The following ROBO2 variants were observed in gnomAD, a reference collection of about 807,000 sequenced individuals.
The protein encoded by ROBO2 is roundabout homolog 2.
Under a neutral mutation model 160.8 loss-of-function variants are expected in ROBO2, and 53 were observed. That is an observed-to-expected ratio of 0.33 (90% CI 0.26 to 0.41). The LOEUF (loss-of-function observed/expected upper bound fraction) is 0.41. ROBO2 is among the 10% of genes least tolerant of loss of function. ROBO2 has a pLI of 1.00. For synonymous variants in ROBO2, 664 were observed against 611.7 expected, an observed-to-expected ratio of 1.09 and a Z score of -1.26; for missense variants, 1,577 against 1,722.4, an observed-to-expected ratio of 0.92 and a Z score of 1.49.
At chr3:77,634,902 C>T in exon 24 of ROBO2, 12 of 1,614,098 alleles carry the variant, frequency 7.4e-6, no homozygotes, top group Non-Finnish European at 1.0e-5. Context: ...AAGACCTCGA[C>T]CTACCAGCCC....
intron 2 of ROBO2, among the ~76,000 whole-genome samples, chr3:76,223,785 G>C (rs1346273220): frequency 6.6e-6 from 1 of 152,160 alleles, no homozygotes; most frequent in Non-Finnish European, 1.5e-5. Flanking sequence ...CTGGGATTTA[G>C]AATTTCTAAG....
chr3:76,925,443 A>C (rs1290737510), intron 2 of ROBO2, among the ~76,000 whole-genome samples: 1 of 152,096 alleles, frequency 6.6e-6, no homozygotes, highest in East Asian at 1.9e-4. Flanking sequence ...ATATTTTTTG[A>C]AGCCAGTTTT....
chr3:77,109,917 A>G (rs1414965795), intron 2 of ROBO2, among the ~76,000 whole-genome samples: 1 of 152,244 alleles, frequency 6.6e-6, no homozygotes, highest in Non-Finnish European at 1.5e-5. Flanking sequence ...ATTCAATTGT[A>G]TAAATACAAT....
intron 2 of ROBO2, among the ~76,000 whole-genome samples, chr3:77,246,741 A>T (rs939338183): frequency 5.3e-5 from 8 of 152,222 alleles, no homozygotes; most frequent in Admixed American, 2.0e-4. Context: ...GAAAGCTATC[A>T]AGCAAGCAAT....
intron 2 of ROBO2, among the ~76,000 whole-genome samples, chr3:76,568,496 C>CG (rs1560165537): frequency 2.7e-5 from 4 of 149,720 alleles, no homozygotes; most frequent in African/African-American, 7.4e-5. Flanking sequence ...TTAGTAGAGA[C>CG]GGGGTTTCAC....
chr3:77,182,659 G>A (rs2080897168), intron 2 of ROBO2, among the ~76,000 whole-genome samples: 1 of 152,014 alleles, frequency 6.6e-6, no homozygotes, highest in Non-Finnish European at 1.5e-5. Context: ...AATGAATAGT[G>A]AGCTGACACA....
At chr3:76,083,178 T>A (rs1284933651) in intron 2 of ROBO2, among the ~76,000 whole-genome samples, 1 of 151,990 alleles carries the variant, frequency 6.6e-6, no homozygotes, top group African/African-American at 2.4e-5. Flanking sequence ...GGGAATGGAA[T>A]TGCAGGCCTG....
chr3:77,480,508 CTG>C (rs1439534666), intron 3 of ROBO2, among the ~76,000 whole-genome samples: 1 of 152,016 alleles, frequency 6.6e-6, no homozygotes, highest in African/African-American at 2.4e-5. Flanking sequence ...ATTTTATAAA[CTG>C]TGTTTGTTTT....
intron 2 of ROBO2, among the ~76,000 whole-genome samples, chr3:76,512,849 A>G (rs929529285): frequency 6.6e-6 from 1 of 151,920 alleles, no homozygotes; most frequent in Non-Finnish European, 1.5e-5. Context: ...GAAATCCCAA[A>G]CCCGTTTGGT....
chr3:76,395,326 A>C (rs1235615464), intron 2 of ROBO2, among the ~76,000 whole-genome samples: 1 of 150,088 alleles, frequency 6.7e-6, no homozygotes, highest in Non-Finnish European at 1.5e-5. Context: ...CATTCAAAGC[A>C]GTGTGTAGAG....
chr3:77,239,061 C>T (rs1436301865), intron 2 of ROBO2, among the ~76,000 whole-genome samples: 3 of 152,172 alleles, frequency 2.0e-5, no homozygotes, highest in Non-Finnish European at 4.4e-5. Context: ...TCCCCCATGT[C>T]CTTGGGATCC....
intron 2 of ROBO2, among the ~76,000 whole-genome samples, chr3:77,373,548 G>A (rs771475187): frequency 6.6e-5 from 10 of 151,922 alleles, no homozygotes; most frequent in Non-Finnish European, 5.9e-5. Context: ...AAGAAATCAA[G>A]TTTCTCAAAA....
At chr3:75,989,614 G>T (rs1326610755) in intron 2 of ROBO2, among the ~76,000 whole-genome samples, 2 of 152,014 alleles carry the variant, frequency 1.3e-5, no homozygotes, top group Non-Finnish European at 2.9e-5. Context: ...GAAAGAACAT[G>T]TTAAAGATAA....
intron 2 of ROBO2, among the ~76,000 whole-genome samples, chr3:77,016,076 A>G (rs1357485130): frequency 6.6e-6 from 1 of 151,960 alleles, no homozygotes; most frequent in Non-Finnish European, 1.5e-5. Flanking sequence ...TCCCGGGTTC[A>G]CGCCATTCTC....
chr3:77,313,408 ATATAT>A (rs1217507891), intron 2 of ROBO2, among the ~76,000 whole-genome samples: 2 of 152,154 alleles, frequency 1.3e-5, no homozygotes, highest in African/African-American at 2.4e-5. Context: ...ATCTGAAATT[ATATAT>A]TATATTATTG....
chr3:77,401,233 G>C (rs931394863), intron 2 of ROBO2, among the ~76,000 whole-genome samples: 2 of 149,786 alleles, frequency 1.3e-5, no homozygotes, highest in African/African-American at 4.9e-5. Context: ...ATTTCTGCTG[G>C]TCATGTACTA....
intron 2 of ROBO2, among the ~76,000 whole-genome samples, chr3:76,764,405 A>G (rs375452623): frequency 6.6e-6 from 1 of 151,792 alleles, no homozygotes; most frequent in East Asian, 2.0e-4. Context: ...TTTTAATCAT[A>G]CTGTATTTAT....
chr3:77,388,141 TAC>T (rs60937023), intron 2 of ROBO2, among the ~76,000 whole-genome samples: 52,861 of 146,516 alleles, frequency 0.36, 9,473 homozygotes, highest in East Asian at 0.59. Context: ...GATTCACACA[TAC>T]ACACACACAC....
chr3:76,262,139 C>T (rs915429757), intron 2 of ROBO2, among the ~76,000 whole-genome samples: 3 of 152,054 alleles, frequency 2.0e-5, no homozygotes, highest in African/African-American at 4.8e-5. Context: ...TTTGCATATA[C>T]GTCTCCTACG....
Sources: allele counts gnomAD v4.1 joint callset (sites outside exome capture counted in the v4.1 genomes callset), GRCh38; gene constraint gnomAD v4.1.1; transcripts MANE v1.5; gene names NCBI Gene and HGNC (gene_info 2026-07-23, HGNC 2026-07-21).